The following DENND4C variants were observed in gnomAD, a reference collection of about 807,000 sequenced individuals.
DENND4C encodes DENN domain-containing protein 4C.
A neutral mutation model predicts 203.0 loss-of-function variants in DENND4C; 108 were observed. That is an observed-to-expected ratio of 0.53 (90% CI 0.46 to 0.62). The LOEUF is 0.62. Ranked by LOEUF, DENND4C falls within the 20% of genes least tolerant of loss-of-function variation. The pLI is 0.00. For missense variants in DENND4C, 2,481 were observed against 2,301.2 expected (o/e 1.08, Z -1.60); for synonymous variants, 871 against 792.4 (o/e 1.10, Z -1.67).
intron 15 of DENND4C, among the ~76,000 whole-genome samples, chr9:19,327,329 C>T (rs1484242458): frequency 1.3e-5 from 2 of 151,778 alleles, no homozygotes; most frequent in Non-Finnish European, 2.9e-5. Context: ...GAAATGCAAA[C>T]CAAAATGATG....
chr9:19,316,908 A>AGC, intron 12 of DENND4C, 69 bp downstream of exon 12: 1 of 1,315,752 alleles, frequency 7.6e-7, no homozygotes, highest in South Asian at 1.5e-5. Context: ...TGTTGCTGCC[A>AGC]AGAAATACTT....
At chr9:19,287,208 C>T (rs1207069412) in intron 3 of DENND4C, among the ~76,000 whole-genome samples, 187 bp downstream of exon 3, 4 of 152,030 alleles carry the variant, frequency 2.6e-5, no homozygotes, top group Non-Finnish European at 4.4e-5. Flanking sequence ...ATAATTTCAT[C>T]TTTAAGTCAG....
At chr9:19,333,978 A>C (rs538302454) in intron 17 of DENND4C, among the ~76,000 whole-genome samples, 2 of 152,296 alleles carry the variant, frequency 1.3e-5, no homozygotes, top group Middle Eastern at 3.4e-3. Context: ...TTCCTTTGGC[A>C]TTGAATGGAA....
chr9:19,301,735 G>A (rs1180543062), intron 9 of DENND4C, among the ~76,000 whole-genome samples: 1 of 152,136 alleles, frequency 6.6e-6, no homozygotes, highest in African/African-American at 2.4e-5. Context: ...TCAAGAGATC[G>A]AGACCATCCT....
intron 4 of DENND4C, among the ~76,000 whole-genome samples, chr9:19,290,286 G>A (rs1836028163): frequency 1.3e-5 from 2 of 152,206 alleles, no homozygotes; most frequent in South Asian, 4.1e-4. Flanking sequence ...TTTAGGGGCT[G>A]TGATAATTTC....
chr9:19,371,987 T>C, intron 32 of DENND4C, 50 bp from the exon 33 acceptor site: 1 of 1,574,654 alleles, frequency 6.4e-7, no homozygotes, highest in Non-Finnish European at 8.7e-7. Flanking sequence ...AATGAACGGC[T>C]GTTGTCTTTC....
Position 19,372,457 on chromosome 9 carries a change from G to T in DENND4C, c.*284G>T, listed in dbSNP as rs989553731. 4.3e-5 allele frequency: 12 copies of T among 281,414 alleles called. No homozygotes were observed. Among genetic ancestry groups the T allele is most frequent in the African/African-American group, 6.5e-5 (3 of 45,952 alleles). The allele number at this position is 281,414 out of a possible 1,614,324, so 17.4% of individuals were successfully genotyped here. On this transcript the variant is annotated 3_prime_UTR_variant, in exon 33 of 33. Transcript: ENST00000434457. ...GATTCTTCAGTATTTGTAGTAGTTTGATAGAAATAATGAGGAACCATATTC... is the reference window on the plus strand; with the variant it reads ...GATTCTTCAGTATTTGTAGTAGTTTTATAGAAATAATGAGGAACCATATTC...
At position 19,346,564 on chromosome 9, in the gene DENND4C, T is replaced by C; in HGVS notation, c.3795T>C (p.Thr1265=). 4 of 1,614,154 alleles carry C rather than the reference T, an allele frequency of 2.5e-6. No homozygotes were observed. In the South Asian group the frequency reaches 4.4e-5, roughly 18 times the overall value. The change falls in exon 23 of 33, where the codon ACT becomes ACC. Residue 1265 remains threonine (T), a synonymous_variant. Transcript: ENST00000434457. ...LLATECTGGK[T]PDSEDKLFSP... ...CCACTGAATGTACAGGAGGAAAAAC[T>C]CCTGATTCTGAAGATAAGTTGTTTT...
At chr9:19,255,141 T>C (rs11998805) in intron 1 of DENND4C, among the ~76,000 whole-genome samples, 9,774 of 152,042 alleles carry the variant, frequency 0.064, 596 homozygotes, top group African/African-American at 0.16. Context: ...AGCGAAACTC[T>C]GTCTCAGTCT....
At chr9:19,289,145 G>A (rs764340021) in intron 4 of DENND4C, among the ~76,000 whole-genome samples, 6 of 152,212 alleles carry the variant, frequency 3.9e-5, no homozygotes, top group Non-Finnish European at 7.3e-5. Flanking sequence ...TGGAGGAGAG[G>A]AGGGCCTGAG....
chr9:19,346,210 T>C lies in DENND4C; in HGVS notation c.3441T>C (p.His1147=), dbSNP rs1822852060. The change falls in exon 23 of 33, where the codon CAT becomes CAC. Residue 1147 remains histidine (H), a synonymous_variant. Coordinates refer to ENST00000434457, the MANE Select transcript of DENND4C (RefSeq NM_001330640.2). ...CTCTACTTCATATTGCAAGAACCCA[T>C]AGCTTTGAGAATGTTAGCTGTCACC... ...KTSLLHIART[H]SFENVSCHLP... 4 of 1,614,178 alleles carry C rather than the reference T, an allele frequency of 2.5e-6. No individual in the cohort carries two copies. The highest frequency in any genetic ancestry group is 3.4e-6 in the Non-Finnish European group (4 of 1,180,026).
chr9:19,353,145 G>T (rs12003281), intron 26 of DENND4C, among the ~76,000 whole-genome samples: 7,352 of 152,180 alleles, frequency 0.048, 567 homozygotes, highest in African/African-American at 0.16. Context: ...TCACTTGCAC[G>T]TCCTAGTAGT....
chr9:19,283,247 C>T (rs1217655482), intron 2 of DENND4C, among the ~76,000 whole-genome samples: 1 of 151,992 alleles, frequency 6.6e-6, no homozygotes, highest in Non-Finnish European at 1.5e-5. Context: ...GAGTCAGGAT[C>T]ATCACTATCT....
intron 1 of DENND4C, among the ~76,000 whole-genome samples, chr9:19,237,181 C>T (rs1047269375): frequency 7.3e-5 from 11 of 151,146 alleles, no homozygotes; most frequent in Non-Finnish European, 1.3e-4. Flanking sequence ...CCACCACGCC[C>T]GGCTAATTTT....
chr9:19,293,128 G>A (rs973128188), intron 5 of DENND4C, among the ~76,000 whole-genome samples: 6 of 152,190 alleles, frequency 3.9e-5, no homozygotes, highest in African/African-American at 1.4e-4. Flanking sequence ...GCTGAAAGTA[G>A]TAAATATAAC....
intron 16 of DENND4C, among the ~76,000 whole-genome samples, chr9:19,329,811 A>G (rs1489471129): frequency 6.6e-6 from 1 of 152,238 alleles, no homozygotes; most frequent in East Asian, 1.9e-4. Flanking sequence ...CTTTATTCCA[A>G]GTATTACAAT....
rs1456138787 is a variant in DENND4C, at chr9:19,296,340, G to A, written c.1040+94G>A. 7.1e-6 allele frequency: 6 copies of A among 846,428 alleles called. No individual in the cohort carries two copies. In the Middle Eastern group the frequency reaches 1.1e-3, roughly 153 times the overall value. The allele number at this position is 846,428 out of a possible 1,614,324, so 52.4% of individuals were successfully genotyped here. On this transcript the variant is annotated intron_variant, in intron 6 of 32. Transcript: ENST00000434457. ...AATTTTTAGCAGCAAAGTTGGAAGG[G>A]AAGGAAGCCTGCATTTAACTGAACT...
chr9:19,293,554 T>C (rs1836801159), intron 5 of DENND4C, among the ~76,000 whole-genome samples: 1 of 152,216 alleles, frequency 6.6e-6, no homozygotes, highest in Non-Finnish European at 1.5e-5. Flanking sequence ...TGGCAAGATT[T>C]ATAAAACACA....
chr9:19,328,011 AT>A lies in DENND4C; in HGVS notation c.2121-8del, dbSNP rs201089782. The A allele has an allele frequency of 0.02, 21,326 of 1,085,114 alleles. 1 individual carries two copies. Among genetic ancestry groups the A allele is most frequent in the South Asian group, 0.037 (2,129 of 58,076 alleles). The allele number at this position is 1,085,114 out of a possible 1,614,324, so 67.2% of individuals were successfully genotyped here. ...TGGTGTGTTTTAAATCAGCAGTTCTATTTTTTTTTTTATTTTAGTTACAAAT... is the reference window on the plus strand; with the variant it reads ...TGGTGTGTTTTAAATCAGCAGTTCTATTTTTTTTTTATTTTAGTTACAAAT... On this transcript the variant is annotated intron_variant, in intron 15 of 32. Coordinates refer to ENST00000434457, the MANE Select transcript of DENND4C (RefSeq NM_001330640.2).
Sources: allele counts gnomAD v4.1 joint callset (sites outside exome capture counted in the v4.1 genomes callset), GRCh38; gene constraint gnomAD v4.1.1; transcripts MANE v1.5; gene names NCBI Gene and HGNC (gene_info 2026-07-23, HGNC 2026-07-21).